Variants in NFE2L2 observed in about 807,000 individuals in gnomAD.
The protein encoded by NFE2L2 is nuclear factor erythroid 2-related factor 2.
In NFE2L2, 20 loss-of-function variants were observed where a neutral mutation model predicts 49.6. That is an observed-to-expected ratio of 0.40 (90% CI 0.28 to 0.59). The LOEUF (loss-of-function observed/expected upper bound fraction) is 0.59, where lower values mean the gene tolerates loss of function less well. NFE2L2 is among the 20% of genes least tolerant of loss of function. The probability of loss-of-function intolerance (pLI) is 0.40; values close to 1 mark genes in which losing one functional copy is unlikely to be tolerated. For synonymous variants in NFE2L2, 244 were observed against 256.5 expected, an observed-to-expected ratio of 0.95 and a Z score of 0.47; for missense variants, 578 against 714.2, an observed-to-expected ratio of 0.81 and a Z score of 2.17.
At chr2:177,257,327 A>G (rs1690560729) in intron 1 of NFE2L2, among the ~76,000 whole-genome samples, 1 of 152,158 alleles carries the variant, frequency 6.6e-6, no homozygotes, top group Non-Finnish European at 1.5e-5. Flanking sequence ...GCAAGTTATC[A>G]CAGGCCACAT....
At chr2:177,232,184 T>G (rs1467275694) in intron 4 of NFE2L2, 176 bp from the exon 5 acceptor site, 2 of 911,052 alleles carry the variant, frequency 2.2e-6, no homozygotes, top group East Asian at 5.4e-5. Context: ...CGTTATGTAT[T>G]ATTTTCAGAG....
intron 1 of NFE2L2, among the ~76,000 whole-genome samples, chr2:177,250,477 A>G (rs543191838): frequency 2.0e-5 from 3 of 152,358 alleles, no homozygotes; most frequent in African/African-American, 7.2e-5. Context: ...AAGTAGTAAC[A>G]TAATGGCCAC....
In NFE2L2 at chr2:177,232,386, A is replaced by C. The variant is rs1224686864; in HGVS notation, c.594+6T>G. 2 of 1,607,982 alleles carry C rather than the reference A, an allele frequency of 1.2e-6. No individual in the cohort carries two copies. The highest frequency in any genetic ancestry group is 1.7e-6 in the Non-Finnish European group (2 of 1,176,472). On this transcript the variant is annotated splice_donor_region_variant and intron_variant, in intron 4 of 4. Transcript: ENST00000397062. Reference sequence around the variant, plus strand: ...AATCTCCAGTATTACATTCTATTTTAGTTACCTGTAACTCAGGAATGGATA... The same window carrying C: ...AATCTCCAGTATTACATTCTATTTTCGTTACCTGTAACTCAGGAATGGATA...
At chr2:177,248,188 A>G (rs1423422745) in intron 1 of NFE2L2, among the ~76,000 whole-genome samples, 1 of 152,228 alleles carries the variant, frequency 6.6e-6, no homozygotes, top group Non-Finnish European at 1.5e-5. Flanking sequence ...CTAACTGAGC[A>G]GAATCCAGGG....
intron 1 of NFE2L2, among the ~76,000 whole-genome samples, chr2:177,262,053 CAAGA>C (rs764859906): frequency 5.9e-5 from 9 of 152,102 alleles, no homozygotes; most frequent in Non-Finnish European, 8.8e-5. Context: ...GAACCCAGGG[CAAGA>C]AAGAAAGATT....
At chr2:177,259,544 T>C (rs1337561193) in intron 1 of NFE2L2, among the ~76,000 whole-genome samples, 2 of 152,226 alleles carry the variant, frequency 1.3e-5, no homozygotes, top group African/African-American at 2.4e-5. Flanking sequence ...TTATTTATTA[T>C]GGCAGAAACT....
chr2:177,232,087 A>G, intron 4 of NFE2L2, 79 bp from the exon 5 acceptor site: 1 of 1,328,418 alleles, frequency 7.5e-7, no homozygotes, highest in East Asian at 2.3e-5. Context: ...TAAACTCCCT[A>G]CCCACATTAT....
chr2:177,243,015 A>G (rs781200325), intron 1 of NFE2L2, among the ~76,000 whole-genome samples: 3 of 152,110 alleles, frequency 2.0e-5, no homozygotes, highest in Non-Finnish European at 4.4e-5. Context: ...TGGTTTGACA[A>G]GCAAACATTA....
chr2:177,232,553 G>T lies in NFE2L2; in HGVS notation c.433C>A (p.Pro145Thr). ...CTCTCGATGTGACCGGGAATATCAG[G>T]AACAAGTGACTGAAACGTAGCCGAA... The part of the protein sequence containing the change: ...VSSATFQSLV[P>T]DIPGHIESPV... Residue 145 changes from proline (P) to threonine (T), a missense_variant, in exon 4 of 5, where the codon CCT (proline) becomes ACT (threonine). Transcript: ENST00000397062. 6.2e-7 allele frequency: 1 copy of T among 1,613,984 alleles called. No individual in the cohort carries two copies. Among genetic ancestry groups the T allele is most frequent in the South Asian group, 1.1e-5 (1 of 91,074 alleles).
At chr2:177,251,961 A>C (rs958861758) in intron 1 of NFE2L2, among the ~76,000 whole-genome samples, 1 of 148,358 alleles carries the variant, frequency 6.7e-6, no homozygotes, top group Admixed American at 6.8e-5. Flanking sequence ...AGCCGAGATC[A>C]CACCAGTCCA....
intron 1 of NFE2L2, among the ~76,000 whole-genome samples, chr2:177,261,170 C>CAA (rs59040355): frequency 0.3 from 35,829 of 119,732 alleles, 5,687 homozygotes; most frequent in Non-Finnish European, 0.38. Flanking sequence ...GACTTCATCT[C>CAA]AAAAAAAAAA....
At chr2:177,232,664 A>C (rs1689596295) in intron 3 of NFE2L2, 81 bp from the exon 4 acceptor site, 1 of 1,367,356 alleles carries the variant, frequency 7.3e-7, no homozygotes, top group East Asian at 2.5e-5. Flanking sequence ...ACAAAACAAA[A>C]TGGAATCAGC....
At chr2:177,233,448 A>G in intron 2 of NFE2L2, 109 bp from the exon 3 acceptor site, 1 of 848,508 alleles carries the variant, frequency 1.2e-6, no homozygotes, top group Non-Finnish European at 1.8e-6. Context: ...CAAGTTAAGT[A>G]AATATTTATC....
In NFE2L2 at chr2:177,230,649, A is replaced by G; in HGVS notation, c.*136T>C. On this transcript the variant is annotated 3_prime_UTR_variant, in exon 5 of 5. Transcript: ENST00000397062. The stretch of plus-strand genomic sequence containing the variant: ...ACTCCAATGCTTTTTAAAGTTTCGT[A>G]TTATTTTCTATACTAGTTTTGGCTA... 3.0e-6 allele frequency: 3 copies of G among 993,162 alleles called. No individual in the cohort carries two copies. Among genetic ancestry groups the G allele is most frequent in the Non-Finnish European group, 4.2e-6 (3 of 715,352 alleles). The allele number at this position is 993,162 out of a possible 1,614,324, so 61.5% of individuals were successfully genotyped here. A position where few individuals can be genotyped will look rare whatever the true frequency, so the allele number is the denominator to read the frequency against.
intron 1 of NFE2L2, among the ~76,000 whole-genome samples, chr2:177,260,305 C>T (rs1482711130): frequency 6.6e-6 from 1 of 152,194 alleles, no homozygotes; most frequent in African/African-American, 2.4e-5. Context: ...CAGAAAGTGG[C>T]TGGACCAAGC....
intron 1 of NFE2L2, among the ~76,000 whole-genome samples, chr2:177,249,252 C>A (rs1690249569): frequency 1.7e-5 from 2 of 118,612 alleles, no homozygotes; most frequent in African/African-American, 3.0e-5. Flanking sequence ...ATAAATAAGG[C>A]ATTTTCTTCA....
intron 1 of NFE2L2, chr2:177,263,912 G>C: frequency 1.0e-6 from 1 of 985,622 alleles, no homozygotes; most frequent in Non-Finnish European, 1.2e-6. Context: ...AAGGCTGCCA[G>C]AGAGTGATCC....
chr2:177,251,642 C>T (rs1284254559), intron 1 of NFE2L2, among the ~76,000 whole-genome samples: 3 of 151,954 alleles, frequency 2.0e-5, no homozygotes, highest in Non-Finnish European at 4.4e-5. Flanking sequence ...CACACAAGGA[C>T]AAGAAGACCA....
In NFE2L2 at chr2:177,231,997, A is replaced by C; in HGVS notation, c.606T>G (p.Ile202Met). Residue 202 changes from isoleucine to methionine, a missense_variant, in exon 5 of 5, where the codon ATT (isoleucine) becomes ATG (methionine). Physicochemically the swap from Ile to Met is conservative, Grantham distance 10. Around this residue, in one of 3 missense-constraint regions of NFE2L2, gnomAD observed 368 missense variants for 384.6 expected, o/e 0.96. Coordinates refer to ENST00000397062, the MANE Select transcript of NFE2L2 (RefSeq NM_006164.5). ...TAGTCTCAACCAGCTTGTCATTTTC[A>C]ATATTAAGACACTGCATGAGAAGGA... Reference protein sequence around the residue: ...LSIPELQCLNIENDKLVETTM... With the variant: ...LSIPELQCLNMENDKLVETTM... The C allele has an allele frequency of 6.2e-7, 1 of 1,607,402 alleles. No individual in the cohort carries two copies. The highest frequency in any genetic ancestry group is 8.5e-7 in the Non-Finnish European group (1 of 1,176,780).
Sources: allele counts gnomAD v4.1 joint callset (sites outside exome capture counted in the v4.1 genomes callset), GRCh38; gene constraint gnomAD v4.1.1; regional missense constraint gnomAD v4.1.1; transcripts MANE v1.5; gene names NCBI Gene and HGNC (gene_info 2026-07-23, HGNC 2026-07-21).